The following GPR137B variants were observed in gnomAD, a reference collection of about 807,000 sequenced individuals.
The protein encoded by GPR137B is G protein-coupled receptor 137B.
Under a neutral mutation model 42.5 loss-of-function variants are expected in GPR137B, and 42 were observed. The observed-to-expected ratio is 0.99, with a 90% confidence interval of 0.77 to 1.28. GPR137B has a LOEUF of 1.28. Ranked by LOEUF, GPR137B falls within the 50% of genes most tolerant of loss-of-function variation. GPR137B has a pLI of 0.00. For missense variants in GPR137B, 487 were observed against 493.9 expected (o/e 0.99, Z 0.13); for synonymous variants, 218 against 209.7 (o/e 1.04, Z -0.34).
rs763884642 is a variant in GPR137B, at chr1:236,142,948, T to C, written c.326T>C (p.Leu109Pro). 1 of 1,614,176 alleles carries C rather than the reference T, an allele frequency of 6.2e-7. No individual in the cohort carries two copies. The highest frequency in any genetic ancestry group is 8.5e-7 in the Non-Finnish European group (1 of 1,179,998). Residue 109 changes from leucine (L) to proline (P), a missense_variant, in exon 1 of 7, where the codon CTC becomes CCC. Coordinates refer to ENST00000366592, the MANE Select transcript of GPR137B (RefSeq NM_003272.4). ...YFKDFVAANS[L>P]SPFVFWLLYC... ...AAAGACTTCGTGGCGGCCAATTCGC[T>C]CAGCCCCTTCGTCTTCTGGCTGCTC...
Position 236,171,568 on chromosome 1 carries a change from C to T in GPR137B, c.464+2813C>T, listed in dbSNP as rs576433322. Among the ~76,000 whole-genome samples the T allele has an allele frequency of 6.6e-6, 1 of 152,180 alleles. No homozygotes were observed. The highest frequency in any genetic ancestry group is 2.4e-5 in the African/African-American group (1 of 41,434). ...TTAAAAAGCTTTCAACCTCTGAGCA[C>T]GGGGACTGGGGTCTTCGGGTGAGAA... On this transcript the variant is annotated intron_variant, in intron 2 of 6. Transcript: ENST00000366592. The surrounding 1 kb of genome is among the most constrained non-coding windows in gnomAD (Gnocchi z 4.4).
At chr1:236,153,500 T>C (rs1163711254) in intron 1 of GPR137B, among the ~76,000 whole-genome samples, 1 of 152,240 alleles carries the variant, frequency 6.6e-6, no homozygotes, top group African/African-American at 2.4e-5. Context: ...GGATAGAGAC[T>C]ACATTTTATT....
chr1:236,170,398 C>A (rs1436399392), intron 2 of GPR137B, among the ~76,000 whole-genome samples: 1 of 152,178 alleles, frequency 6.6e-6, no homozygotes, highest in Non-Finnish European at 1.5e-5. Context: ...AGGTTTCTCT[C>A]AAGTTCAGAA....
At position 236,187,940 on chromosome 1, in the gene GPR137B, T is replaced by C. The variant is rs182624649; in HGVS notation, c.966+4034T>C. Among the ~76,000 whole-genome samples the C allele has an allele frequency of 1.5e-4, 23 of 152,340 alleles. No individual in the cohort carries two copies. The East Asian group carries it at 4.2e-3, about 28-fold the overall frequency. On this transcript the variant is annotated intron_variant, in intron 5 of 6. Transcript: ENST00000366592. ...TTGGGCAGTATGGCCATTTTCACAA[T>C]ATTGATTCTTCCTATCCATGAGCAT... is the stretch of plus-strand genomic sequence containing the variant.
intron 6 of GPR137B, among the ~76,000 whole-genome samples, chr1:236,207,843 C>CTA (rs1388218760): frequency 1.3e-5 from 2 of 151,994 alleles, no homozygotes; most frequent in Admixed American, 1.3e-4. Context: ...ACTCTGTGCT[C>CTA]TAAAGAGTTC....
At position 236,186,240 on chromosome 1, in the gene GPR137B, TATAAATA is replaced by T. The variant is rs60720610; in HGVS notation, c.966+2338_966+2344del. 4.8e-3 allele frequency among the ~76,000 whole-genome samples: 259 copies of T among 54,334 alleles called. 9 individuals carry two copies. The highest frequency in any genetic ancestry group is 6.1e-3 in the Non-Finnish European group (181 of 29,488). 35.6% of individuals were successfully genotyped at this position (54,334 alleles called of 152,430 possible). A position where few individuals can be genotyped will look rare whatever the true frequency, so the allele number is the denominator to read the frequency against. On this transcript the variant is annotated intron_variant, in intron 5 of 6. Transcript: ENST00000366592. Reference sequence around the variant, plus strand: ...TTATATATAATATAATATATAATAATATAAATAATATATAATATATATTATATATTAT... The same window carrying T: ...TTATATATAATATAATATATAATAATATATATAATATATATTATATATTAT...
chr1:236,183,665 G>A (rs1315398814), intron 4 of GPR137B, 113 bp from the exon 5 acceptor site: 3 of 653,178 alleles, frequency 4.6e-6, no homozygotes, highest in South Asian at 4.7e-5. Flanking sequence ...AAAATATAGG[G>A]GAATGAATTG....
In GPR137B at chr1:236,168,793, G is replaced by A. The variant is rs200662325; in HGVS notation, c.464+38G>A. ...GGGCATCTCTTTCTGTGGTAGAAGG[G>A]GAAAGTGCCGACACATGAATCTCAT... On this transcript the variant is annotated intron_variant, in intron 2 of 6. Coordinates refer to ENST00000366592, the MANE Select transcript of GPR137B (RefSeq NM_003272.4). The A allele has an allele frequency of 6.2e-4, 863 of 1,383,216 alleles. 3 individuals carry two copies. Among genetic ancestry groups the A allele is most frequent in the Middle Eastern group, 5.7e-3 (32 of 5,606 alleles). The allele number at this position is 1,383,216 out of a possible 1,614,324, so 85.7% of individuals were successfully genotyped here. A position where few individuals can be genotyped will look rare whatever the true frequency, so the allele number is the denominator to read the frequency against.
intron 5 of GPR137B, among the ~76,000 whole-genome samples, chr1:236,186,189 AT>A (rs374815906): frequency 0.011 from 1,140 of 105,786 alleles, 24 homozygotes; most frequent in African/African-American, 0.045. Context: ...GATGGACATC[AT>A]TTTTTTTTAT....
intron 5 of GPR137B, among the ~76,000 whole-genome samples, chr1:236,200,091 CTTGATTTCAT>C (rs1449010353): frequency 2.6e-5 from 4 of 151,978 alleles, no homozygotes; most frequent in Non-Finnish European, 5.9e-5. Flanking sequence ...TAATTTCCAT[CTTGATTTCAT>C]TGTTGACCCA....
At chr1:236,154,481 G>A (rs1038987080) in intron 1 of GPR137B, among the ~76,000 whole-genome samples, 7 of 151,788 alleles carry the variant, frequency 4.6e-5, no homozygotes, top group Non-Finnish European at 7.4e-5. Context: ...TGCTGTTCCC[G>A]AAGGCCCCAG....
chr1:236,168,321 G>T (rs1414919505), intron 1 of GPR137B, among the ~76,000 whole-genome samples: 1 of 151,872 alleles, frequency 6.6e-6, no homozygotes, highest in African/African-American at 2.4e-5. Context: ...TACTTGGGAG[G>T]CTGAGGCAGG....
chr1:236,145,008 G>C (rs1483465109), intron 1 of GPR137B, among the ~76,000 whole-genome samples: 3 of 152,244 alleles, frequency 2.0e-5, no homozygotes, highest in African/African-American at 7.2e-5. Context: ...CTCCGGCCCA[G>C]GGGCCCAAAG....
At chr1:236,184,301 A>G (rs969372119) in intron 5 of GPR137B, among the ~76,000 whole-genome samples, 3 of 152,224 alleles carry the variant, frequency 2.0e-5, no homozygotes, top group African/African-American at 7.2e-5. Context: ...ACTCATAGGA[A>G]ATAGTATGCC....
chr1:236,149,135 C>T (rs1661764734), intron 1 of GPR137B, among the ~76,000 whole-genome samples: 1 of 152,166 alleles, frequency 6.6e-6, no homozygotes, highest in South Asian at 2.1e-4. Context: ...CCGGGCTGAC[C>T]CTGCCCTTTT....
intron 5 of GPR137B, among the ~76,000 whole-genome samples, chr1:236,190,980 A>G (rs992266731): frequency 2.6e-5 from 4 of 152,288 alleles, no homozygotes; most frequent in South Asian, 4.2e-4. Flanking sequence ...AGGTACACCA[A>G]TCAAATGTAG....
At chr1:236,159,642 T>C (rs1322619053) in intron 1 of GPR137B, among the ~76,000 whole-genome samples, 5 of 147,730 alleles carry the variant, frequency 3.4e-5, no homozygotes, top group Non-Finnish European at 1.5e-5. Context: ...AGAAAAAAAA[T>C]AGGCAAGCGG....
chr1:236,177,752 C>T (rs1278133024), intron 2 of GPR137B, among the ~76,000 whole-genome samples: 1 of 151,892 alleles, frequency 6.6e-6, no homozygotes, highest in Non-Finnish European at 1.5e-5. Context: ...GACGGGGTTT[C>T]ACCATGTTGG....
chr1:236,178,777 T>A, intron 3 of GPR137B, 141 bp downstream of exon 3: 1 of 310,388 alleles, frequency 3.2e-6, no homozygotes, highest in African/African-American at 2.4e-5. Context: ...ACACAGGGGC[T>A]ACTCGAGGTT....
Sources: gnomAD v4.1 joint callset for allele counts (sites outside exome capture counted in the v4.1 genomes callset) on GRCh38, gnomAD v4.1.1 for gene constraint, Gnocchi (gnomAD v3.1) non-coding constraint, MANE v1.5 for transcripts, NCBI Gene and HGNC (gene_info 2026-07-23, HGNC 2026-07-21) for gene names.